Variants in CAPN5 observed in about 807,000 individuals in gnomAD.
CAPN5 encodes calpain-5.
CAPN5 carries 54 observed loss-of-function variants against 73.0 expected under a neutral mutation model. The observed-to-expected ratio is 0.74, with a 90% CI of 0.59 to 0.93. The LOEUF (loss-of-function observed/expected upper bound fraction) is 0.93, where lower values mean the gene tolerates loss of function less well. Among genes scored for constraint, CAPN5 ranks in the 40% least tolerant of loss-of-function variants. The pLI is 0.00. For synonymous variants in CAPN5, 335 were observed against 356.9 expected, an observed-to-expected ratio of 0.94 and a Z score of 0.69; for missense variants, 785 against 882.9, an observed-to-expected ratio of 0.89 and a Z score of 1.41.
chr11:77,097,464 GTTTT>G (rs58077755), intron 3 of CAPN5, among the ~76,000 whole-genome samples: 16 of 79,738 alleles, frequency 2.0e-4, no homozygotes, highest in Non-Finnish European at 3.5e-4. Context: ...TTTCCTTCTA[GTTTT>G]TTTTTTTTTT....
chr11:77,084,602 C>A (rs1343406831), intron 1 of CAPN5, among the ~76,000 whole-genome samples: 1 of 152,076 alleles, frequency 6.6e-6, no homozygotes, highest in Non-Finnish European at 1.5e-5. Context: ...GTGGGCCAGG[C>A]CTGAGCTCTG....
chr11:77,091,607 A>G (rs1950149554), intron 2 of CAPN5, among the ~76,000 whole-genome samples: 1 of 152,184 alleles, frequency 6.6e-6, no homozygotes, highest in Non-Finnish European at 1.5e-5. Context: ...ACCCTCCACC[A>G]TACCCACAGC....
At chr11:77,120,528 T>C (rs1281452921) in intron 9 of CAPN5, 185 bp from the exon 10 acceptor site, 5 of 516,164 alleles carry the variant, frequency 9.7e-6, no homozygotes, top group African/African-American at 1.9e-5. Flanking sequence ...CCCATTCCCA[T>C]TGACCTCTTC....
chr11:77,085,997 G>T (rs990093790), intron 2 of CAPN5, among the ~76,000 whole-genome samples: 10 of 152,202 alleles, frequency 6.6e-5, no homozygotes, highest in Admixed American at 2.0e-4. Context: ...GGAGGTGAAG[G>T]GTGATGAGGT....
Position 77,100,156 on chromosome 11 carries a change from G to A in CAPN5, c.297+6343G>A, listed in dbSNP as rs114325687. Among the ~76,000 whole-genome samples, 1,416 of 152,212 alleles carry A rather than the reference G, an allele frequency of 9.3e-3. 25 individuals are homozygous for A. The highest frequency in any genetic ancestry group is 0.032 in the African/African-American group (1,343 of 41,524). On this transcript the variant is annotated intron_variant, in intron 3 of 12. Transcript: ENST00000648180. ...CCAGCCTTGTTTTGTTTTTTTATATGCATTTTTGCAATTACATCTGCAAGT... is the reference window on the plus strand; with the variant it reads ...CCAGCCTTGTTTTGTTTTTTTATATACATTTTTGCAATTACATCTGCAAGT...
At chr11:77,081,685 G>A (rs533345415) in intron 1 of CAPN5, among the ~76,000 whole-genome samples, 5 of 152,332 alleles carry the variant, frequency 3.3e-5, no homozygotes, top group East Asian at 1.9e-4. Context: ...GGGGGCCTGG[G>A]TCGAGGCTCA....
intron 3 of CAPN5, chr11:77,102,879 C>A: frequency 6.2e-7 from 1 of 1,609,384 alleles, no homozygotes; most frequent in Non-Finnish European, 8.5e-7. Flanking sequence ...GCTGGACATG[C>A]CGCTGGTCCT....
chr11:77,119,500 A>G, intron 9 of CAPN5: 1 of 285,844 alleles, frequency 3.5e-6, no homozygotes, highest in Non-Finnish European at 6.8e-6. Flanking sequence ...CTCCTCCCTC[A>G]GGCCTCAGGG....
In CAPN5 at chr11:77,072,927, G is replaced by A. The variant is rs367745069; in HGVS notation, c.-36+5833G>A. 6.6e-4 allele frequency: 254 copies of A among 386,644 alleles called. 1 individual carries two copies. The highest frequency in any genetic ancestry group is 5.0e-3 in the African/African-American group (240 of 47,656). The allele number at this position is 386,644 out of a possible 1,614,324, so 24.0% of individuals were successfully genotyped here. A position where few individuals can be genotyped will look rare whatever the true frequency, so the allele number is the denominator to read the frequency against. On this transcript the variant is annotated intron_variant, in intron 1 of 12. Transcript: ENST00000648180. Reference sequence around the variant, plus strand: ...GGCCAGAGAGGGCAGGAGCTTTCCTGGGCTCACACAGCACAGTGAGGCAGA... The same window carrying A: ...GGCCAGAGAGGGCAGGAGCTTTCCTAGGCTCACACAGCACAGTGAGGCAGA...
At chr11:77,083,578 G>C (rs1950049511) in intron 1 of CAPN5, among the ~76,000 whole-genome samples, 1 of 152,230 alleles carries the variant, frequency 6.6e-6, no homozygotes. Flanking sequence ...CACCGGCACT[G>C]TTGGCAGGCA....
intron 3 of CAPN5, among the ~76,000 whole-genome samples, chr11:77,094,957 C>T (rs929697887): frequency 6.6e-6 from 1 of 152,234 alleles, no homozygotes; most frequent in Non-Finnish European, 1.5e-5. Flanking sequence ...TTGGGCAAGG[C>T]TGAGACTCTG....
chr11:77,123,783 C>T lies in CAPN5; in HGVS notation c.1836C>T (p.Leu612=). The change falls in exon 13 of 13, where the codon CTC becomes CTT. Residue 612 remains leucine, a synonymous_variant. Coordinates refer to ENST00000648180, the MANE Select transcript of CAPN5 (RefSeq NM_004055.5). ...TCCAGGCCCTGCATACCCTCCACCT[C>T]CGGGACCGAAATAGCCGGCAGCCCA... The part of the protein sequence containing the change: ...DNLQALHTLH[L]RDRNSRQPSN... The T allele has an allele frequency of 6.2e-7, 1 of 1,614,008 alleles. No homozygotes were observed. Among genetic ancestry groups the T allele is most frequent in the Non-Finnish European group, 8.5e-7 (1 of 1,180,022 alleles).
Position 77,125,532 on chromosome 11 carries a change from G to C in CAPN5, c.*1662G>C, listed in dbSNP as rs1448388169. 6.6e-6 allele frequency: 1 copy of C among 151,986 alleles called. No homozygotes were observed. Among genetic ancestry groups the C allele is most frequent in the East Asian group, 1.9e-4 (1 of 5,196 alleles). The allele number at this position is 151,986 out of a possible 1,614,324, so 9.4% of individuals were successfully genotyped here. A position where few individuals can be genotyped will look rare whatever the true frequency, so the allele number is the denominator to read the frequency against. On this transcript the variant is annotated 3_prime_UTR_variant, in exon 13 of 13. Transcript: ENST00000648180. The stretch of plus-strand genomic sequence containing the variant: ...CTACAAAGTGGGGCCAATGATTCTT[G>C]TGTGTCAGCACTGTTACTACCGAGT...
At chr11:77,073,078 G>A (rs552615031) in intron 1 of CAPN5, 14 of 1,289,680 alleles carry the variant, frequency 1.1e-5, no homozygotes, top group Non-Finnish European at 1.4e-5. Flanking sequence ...ACGCCCAGCT[G>A]TATCTACCTG....
rs781880506 is a variant in CAPN5, at chr11:77,119,064, T to C, written c.1202T>C (p.Val401Ala). Residue 401 changes from valine (V) to alanine (A), a missense_variant, in exon 9 of 13, where the codon GTC becomes GCC. Physicochemically the swap from Val to Ala is moderately conservative, Grantham distance 64. Transcript: ENST00000648180. ...IFEVKKPEDEVLICIQQRPKR... is the reference protein window; with the variant it reads ...IFEVKKPEDEALICIQQRPKR... ...GAAGTCAAGAAGCCAGAAGATGAAGTCCTGATCTGCATCCAGCAGCGGCCA... is the reference window on the plus strand; with the variant it reads ...GAAGTCAAGAAGCCAGAAGATGAAGCCCTGATCTGCATCCAGCAGCGGCCA... 6.2e-7 allele frequency: 1 copy of C among 1,614,022 alleles called. No individual in the cohort carries two copies.
At chr11:77,093,583 AG>A in intron 2 of CAPN5, 98 bp from the exon 3 acceptor site, 6 of 1,438,692 alleles carry the variant, frequency 4.2e-6, no homozygotes, top group Non-Finnish European at 5.6e-6. Context: ...TCACACAGCA[AG>A]TCTGTGTCTG....
At position 77,112,635 on chromosome 11, in the gene CAPN5, A is replaced by G. The variant is rs182772370; in HGVS notation, c.344A>G (p.Asn115Ser). Residue 115 changes from asparagine (N) to serine (S), a missense_variant, in exon 4 of 13, where the codon AAC (asparagine) becomes AGC (serine). Coordinates refer to ENST00000648180, the MANE Select transcript of CAPN5 (RefSeq NM_004055.5). Reference sequence around the variant, plus strand: ...CAGGAATGGGACCCCGAAAAGCCCAACGCCTACGCGGGCATCTTCCACTTC... The same window carrying G: ...CAGGAATGGGACCCCGAAAAGCCCAGCGCCTACGCGGGCATCTTCCACTTC... ...KEQEWDPEKPNAYAGIFHFHF... is the reference protein window; with the variant it reads ...KEQEWDPEKPSAYAGIFHFHF... 7.4e-6 allele frequency: 12 copies of G among 1,614,088 alleles called. No individual in the cohort carries two copies. In the Admixed American group the frequency reaches 1.0e-4, roughly 13 times the overall value.
intron 3 of CAPN5, among the ~76,000 whole-genome samples, chr11:77,100,443 C>G (rs1950272688): frequency 6.6e-6 from 1 of 152,014 alleles, no homozygotes; most frequent in Non-Finnish European, 1.5e-5. Context: ...CTGTGAGACT[C>G]AAGCTCCCGT....
At chr11:77,089,392 G>A (rs1950125921) in intron 2 of CAPN5, among the ~76,000 whole-genome samples, 1 of 152,234 alleles carries the variant, frequency 6.6e-6, no homozygotes, top group Admixed American at 6.5e-5. Context: ...CACATGGGGG[G>A]TCAGGGCCTG....
Sources: allele counts gnomAD v4.1 joint callset (sites outside exome capture counted in the v4.1 genomes callset), GRCh38; gene constraint gnomAD v4.1.1; transcripts MANE v1.5; gene names NCBI Gene and HGNC (gene_info 2026-07-23, HGNC 2026-07-21).